PCED1B: variants seen among roughly 807,000 people sequenced by gnomAD.
PCED1B encodes the protein PC-esterase domain-containing protein 1B.
For missense variants in PCED1B, 573 were observed against 573.9 expected (o/e 1.00, Z 0.02); for synonymous variants, 251 against 246.1 (o/e 1.02, Z -0.19).
At position 47,185,114 on chromosome 12, in the gene PCED1B, G is replaced by A. The variant is rs551483628; in HGVS notation, c.-525-31108G>A. 2.0e-5 allele frequency among the ~76,000 whole-genome samples: 3 copies of A among 152,252 alleles called. No individual in the cohort carries two copies. The East Asian group carries it at 5.8e-4, about 29-fold the overall frequency. On this transcript the variant is annotated intron_variant, in intron 2 of 3. Coordinates refer to ENST00000546455, the MANE Select transcript of PCED1B (RefSeq NM_138371.3). ...TGCTGCATCTCCAGGTAGATGAAAG[G>A]CAGGAGCAAAAGGCCTTTATATGGA... is the stretch of plus-strand genomic sequence containing the variant.
chr12:47,201,141 G>C (rs1942751332), intron 2 of PCED1B, among the ~76,000 whole-genome samples: 1 of 152,174 alleles, frequency 6.6e-6, no homozygotes, highest in African/African-American at 2.4e-5. Context: ...TTTAGAAAAG[G>C]GGAGGGGGGG....
At chr12:47,132,841 A>G (rs1387825614) in intron 2 of PCED1B, among the ~76,000 whole-genome samples, 1 of 152,178 alleles carries the variant, frequency 6.6e-6, no homozygotes, top group Non-Finnish European at 1.5e-5. Flanking sequence ...ACTGGTACAA[A>G]TATCTAGCCA....
chr12:47,137,820 C>T (rs562880396), intron 2 of PCED1B, among the ~76,000 whole-genome samples: 1 of 150,498 alleles, frequency 6.6e-6, no homozygotes, highest in Non-Finnish European at 1.5e-5. Flanking sequence ...TTAAAGTTTA[C>T]AAGGCTTAGG....
At chr12:47,170,611 T>C (rs776257059) in intron 2 of PCED1B, among the ~76,000 whole-genome samples, 8 of 152,202 alleles carry the variant, frequency 5.3e-5, no homozygotes, top group Non-Finnish European at 8.8e-5. Flanking sequence ...TATGAACTTC[T>C]CCTTTCTCTT....
intron 2 of PCED1B, among the ~76,000 whole-genome samples, chr12:47,197,275 A>T (rs894978841): frequency 1.3e-5 from 2 of 149,336 alleles, no homozygotes; most frequent in Non-Finnish European, 3.0e-5. Context: ...ATAAAAACAT[A>T]TCTGCCCTCG....
intron 1 of PCED1B, among the ~76,000 whole-genome samples, chr12:47,082,634 G>A (rs540676753): frequency 7.2e-5 from 11 of 152,244 alleles, no homozygotes; most frequent in East Asian, 1.9e-4. Context: ...TGAGCTATGC[G>A]TTTTACATGC....
chr12:47,220,232 C>T (rs1396639865), intron 3 of PCED1B, among the ~76,000 whole-genome samples: 6 of 152,028 alleles, frequency 3.9e-5, no homozygotes, highest in Non-Finnish European at 7.4e-5. Flanking sequence ...AGTGCAGTGG[C>T]GCGATCTTGG....
chr12:47,186,429 C>T (rs1942269880), intron 2 of PCED1B, among the ~76,000 whole-genome samples: 1 of 151,686 alleles, frequency 6.6e-6, no homozygotes, highest in Non-Finnish European at 1.5e-5. Context: ...ATCTTGTCTC[C>T]AGTGATAAGG....
At chr12:47,142,923 A>G (rs1395586523) in intron 2 of PCED1B, among the ~76,000 whole-genome samples, 1 of 152,150 alleles carries the variant, frequency 6.6e-6, no homozygotes, top group Non-Finnish European at 1.5e-5. Flanking sequence ...ACACAAATCA[A>G]TACATGTGAT....
intron 3 of PCED1B, among the ~76,000 whole-genome samples, chr12:47,221,310 T>C (rs1164682762): frequency 5.9e-5 from 9 of 151,612 alleles, no homozygotes; most frequent in Non-Finnish European, 1.5e-5. Flanking sequence ...ATATATATTG[T>C]TTCCAATATT....
At chr12:47,152,456 T>C (rs764465191) in intron 2 of PCED1B, among the ~76,000 whole-genome samples, 1 of 152,160 alleles carries the variant, frequency 6.6e-6, no homozygotes, top group Non-Finnish European at 1.5e-5. Context: ...CTCTTCATAA[T>C]ATCAAGGTCA....
intron 2 of PCED1B, among the ~76,000 whole-genome samples, chr12:47,139,134 C>T (rs148647428): frequency 3.9e-4 from 59 of 152,162 alleles, no homozygotes; most frequent in African/African-American, 1.2e-3. Flanking sequence ...TAGGTACTTA[C>T]GAAATATATG....
At position 47,089,490 on chromosome 12, in the gene PCED1B, A is replaced by G. The variant is rs1437599327; in HGVS notation, c.-609+9765A>G. Among the ~76,000 whole-genome samples, 55 of 88,460 alleles carry G rather than the reference A, an allele frequency of 6.2e-4. 1 individual carries two copies. Among genetic ancestry groups the G allele is most frequent in the African/African-American group, 2.5e-3 (55 of 21,938 alleles). 58.0% of individuals were successfully genotyped at this position (88,460 alleles called of 152,430 possible). A position where few individuals can be genotyped will look rare whatever the true frequency, so the allele number is the denominator to read the frequency against. On this transcript the variant is annotated intron_variant, in intron 1 of 3. Coordinates refer to ENST00000546455, the MANE Select transcript of PCED1B (RefSeq NM_138371.3). ...TATATATATATATATATATATATAT[A>G]TATGTATATACCAAAAAACATACCT...
chr12:47,227,706 T>C (rs907067487), intron 3 of PCED1B, among the ~76,000 whole-genome samples: 2 of 151,762 alleles, frequency 1.3e-5, no homozygotes, highest in African/African-American at 2.4e-5. Context: ...ATACAAAAAT[T>C]AGCTGGGCAT....
intron 2 of PCED1B, among the ~76,000 whole-genome samples, chr12:47,157,197 CT>C (rs1286876586): frequency 6.6e-6 from 1 of 152,090 alleles, no homozygotes; most frequent in Non-Finnish European, 1.5e-5. Flanking sequence ...GAGCTTACCC[CT>C]GAACACATAA....
chr12:47,173,916 A>T (rs978409004), intron 2 of PCED1B, among the ~76,000 whole-genome samples: 1 of 152,198 alleles, frequency 6.6e-6, no homozygotes, highest in Non-Finnish European at 1.5e-5. Flanking sequence ...GACTATTCTT[A>T]TTCAGATCAA....
chr12:47,236,182 T>C lies in PCED1B; in HGVS notation c.1119T>C (p.Phe373=), dbSNP rs148451539. 5.2e-4 allele frequency: 846 copies of C among 1,614,140 alleles called. 1 individual carries two copies. The African/African-American group carries it at 0.01, about 20-fold the overall frequency. ...CAGGTTTCTTCGTCGAAGACAATTTTATGGTTGGTCCTCAGCTGCCTATGC... is the reference window on the plus strand; with the variant it reads ...CAGGTTTCTTCGTCGAAGACAATTTCATGGTTGGTCCTCAGCTGCCTATGC... ...AHAGFFVEDN[F]MVGPQLPMPF... Residue 373 remains phenylalanine (F), a synonymous_variant, in exon 4 of 4, where the codon TTT becomes TTC. Coordinates refer to ENST00000546455, the MANE Select transcript of PCED1B (RefSeq NM_138371.3).
chr12:47,149,199 G>A (rs1425916251), intron 2 of PCED1B, among the ~76,000 whole-genome samples: 1 of 152,122 alleles, frequency 6.6e-6, no homozygotes, highest in Non-Finnish European at 1.5e-5. Flanking sequence ...CATAAATTTG[G>A]TATTTTGTAT....
intron 2 of PCED1B, among the ~76,000 whole-genome samples, chr12:47,184,048 T>C (rs1242399477): frequency 6.6e-6 from 1 of 152,232 alleles, no homozygotes; most frequent in African/African-American, 2.4e-5. Flanking sequence ...TTCTTTTCTT[T>C]TTCTTTTTTG....
Sources: gnomAD v4.1 joint callset for allele counts (sites outside exome capture counted in the v4.1 genomes callset) on GRCh38, gnomAD v4.1.1 for gene constraint, MANE v1.5 for transcripts, NCBI Gene and HGNC (gene_info 2026-07-23, HGNC 2026-07-21) for gene names.